Variants in PCDHGA1 observed in about 807,000 individuals in gnomAD.
PCDHGA1 encodes protocadherin gamma subfamily A, 1.
PCDHGA1 carries 32 observed loss-of-function variants against 58.0 expected under a neutral mutation model. The observed-to-expected ratio is 0.55, with a 90% confidence interval of 0.42 to 0.74. PCDHGA1 has a LOEUF of 0.74. PCDHGA1 is among the 30% of genes least tolerant of loss of function. PCDHGA1 has a pLI of 0.00. For synonymous variants in PCDHGA1, 498 were observed against 501.1 expected, an observed-to-expected ratio of 0.99 and a Z score of 0.08; for missense variants, 1,205 against 1,182.3, an observed-to-expected ratio of 1.02 and a Z score of -0.28.
chr5:141,393,664 T>A, intron 1 of PCDHGA1: 1 of 1,613,772 alleles, frequency 6.2e-7, no homozygotes. Context: ...TTCCGGAAAA[T>A]TAATGAAAAA....
At position 141,486,061 on chromosome 5, in the gene PCDHGA1, C is replaced by T. The variant is rs1280895997; in HGVS notation, c.2422-8746C>T. 2 of 1,614,166 alleles carry T rather than the reference C, an allele frequency of 1.2e-6. No individual in the cohort carries two copies. Among genetic ancestry groups the T allele is most frequent in the South Asian group, 1.1e-5 (1 of 91,078 alleles). On this transcript the variant is annotated intron_variant, in intron 1 of 3. Coordinates refer to ENST00000517417, the MANE Select transcript of PCDHGA1 (RefSeq NM_018912.3). The surrounding 1 kb of genome is among the most constrained non-coding windows in gnomAD (Gnocchi z 5.0). ...GTGTAAGAAACCTCTTTAGCCTGCA[C>T]CCCACTACTGGAAAGCTTACTCTTT...
At chr5:141,415,257 T>G in intron 1 of PCDHGA1, 1 of 1,614,170 alleles carries the variant, frequency 6.2e-7, no homozygotes, top group Non-Finnish European at 8.5e-7. Flanking sequence ...CAGACCTCAC[T>G]CTGTACCTGG....
At chr5:141,347,082 TCCTCCTTCCTTCCTTC>T in intron 1 of PCDHGA1, among the ~76,000 whole-genome samples, 6 of 149,660 alleles carry the variant, frequency 4.0e-5, no homozygotes, top group Admixed American at 3.3e-4. Flanking sequence ...TCTCTCTCTT[TCCTCCTTCCTTCCTTC>T]CTCTCTCTCT....
intron 1 of PCDHGA1, among the ~76,000 whole-genome samples, chr5:141,433,940 T>C (rs1315031506): frequency 6.6e-6 from 1 of 152,192 alleles, no homozygotes; most frequent in African/African-American, 2.4e-5. Flanking sequence ...TATAATTCCA[T>C]TGTTTCTTCT....
rs767396941 is a variant in PCDHGA1 at position 141,357,397 on chromosome 5, G to T, written c.2421+24292G>T. The stretch of plus-strand genomic sequence containing the variant: ...GCTTCACGCTGAAGGCAGCAGGTTG[G>T]CAGGTGTGCCTGCCTCGCACTTTGT... On this transcript the variant is annotated intron_variant, in intron 1 of 3. Transcript: ENST00000517417. 8.7e-6 allele frequency: 14 copies of T among 1,614,242 alleles called. No homozygotes were observed. In the Admixed American group the frequency reaches 2.3e-4, roughly 27 times the overall value.
intron 1 of PCDHGA1, chr5:141,338,750 C>T (rs1430526318): frequency 3.4e-6 from 4 of 1,187,306 alleles, no homozygotes; most frequent in Admixed American, 7.6e-5. Flanking sequence ...TAAAAGGCAG[C>T]GAGACATCCA....
At chr5:141,337,750 G>T (rs951873057) in intron 1 of PCDHGA1, among the ~76,000 whole-genome samples, 9 of 152,186 alleles carry the variant, frequency 5.9e-5, no homozygotes, top group Non-Finnish European at 1.3e-4. Flanking sequence ...TCACAGAATT[G>T]TATGCTTGAC....
chr5:141,394,060 C>G, intron 1 of PCDHGA1: 8 of 1,613,780 alleles, frequency 5.0e-6, no homozygotes, highest in Non-Finnish European at 5.9e-6. Context: ...GAAAATGTCT[C>G]TATCTACAAT....
chr5:141,385,198 C>A, intron 1 of PCDHGA1: 1 of 1,614,224 alleles, frequency 6.2e-7, no homozygotes, highest in Non-Finnish European at 8.5e-7. Flanking sequence ...TCGGAAGAGT[C>A]ACCTGATCTT....
In PCDHGA1 at chr5:141,476,182, G is replaced by A. The variant is rs369561139; in HGVS notation, c.2422-18625G>A. On this transcript the variant is annotated intron_variant, in intron 1 of 3. Coordinates refer to ENST00000517417, the MANE Select transcript of PCDHGA1 (RefSeq NM_018912.3). This position sits in a 1 kb window ranked among gnomAD's most constrained non-coding sequence, Gnocchi z 7.6. ...GGAGGGTAGTGGGAGTTTTGCTTCT[G>A]CTTGGTGCCTTGAACAAGGCTTCCA... 5 of 1,613,554 alleles carry A rather than the reference G, an allele frequency of 3.1e-6. No homozygotes were observed. Among genetic ancestry groups the A allele is most frequent in the Admixed American group, 1.7e-5 (1 of 59,996 alleles).
chr5:141,510,709 CAGTGAGTAAGGAA>C (rs1452833908), intron 3 of PCDHGA1, among the ~76,000 whole-genome samples: 7 of 152,168 alleles, frequency 4.6e-5, no homozygotes, highest in Admixed American at 4.6e-4. Flanking sequence ...CCCAGGATCA[CAGTGAGTAAGGAA>C]AGGAGCTAGG....
rs1316659737 is a variant in PCDHGA1 at position 141,490,964 on chromosome 5, C to T, written c.2422-3843C>T. ...CCACGGCCAGACTGGGAACACTCAG[C>T]CCCCCAGCGTCTCCCTCGCTCTGCT... On this transcript the variant is annotated intron_variant, in intron 1 of 3. Transcript: ENST00000517417. The surrounding 1 kb of genome is among the most constrained non-coding windows in gnomAD (Gnocchi z 5.4). 2.5e-6 allele frequency: 4 copies of T among 1,613,608 alleles called. No homozygotes were observed. Among genetic ancestry groups the T allele is most frequent in the East Asian group, 2.2e-5 (1 of 44,882 alleles).
At chr5:141,359,801 T>A (rs1761323974) in intron 1 of PCDHGA1, among the ~76,000 whole-genome samples, 1 of 152,190 alleles carries the variant, frequency 6.6e-6, no homozygotes, top group Non-Finnish European at 1.5e-5. Context: ...TCTTTTGAAT[T>A]TGGAACTATA....
chr5:141,419,769 C>A (rs773303779), intron 1 of PCDHGA1: 14 of 1,614,006 alleles, frequency 8.7e-6, no homozygotes, highest in East Asian at 4.5e-5. Context: ...GACAAGGACT[C>A]GGTCCGCCAG....
At chr5:141,421,889 C>T (rs1280668349) in intron 1 of PCDHGA1, 5 of 1,613,574 alleles carry the variant, frequency 3.1e-6, no homozygotes, top group African/African-American at 1.3e-5. Flanking sequence ...GGAGGCGATC[C>T]CATCCGAAAG....
intron 2 of PCDHGA1, among the ~76,000 whole-genome samples, chr5:141,496,733 C>A (rs1221912777): frequency 6.6e-6 from 1 of 152,138 alleles, no homozygotes; most frequent in Non-Finnish European, 1.5e-5. Context: ...TGTATTCATT[C>A]GTTCATTTAT....
Position 141,431,697 on chromosome 5 carries a change from G to A in PCDHGA1, c.2422-63110G>A. The A allele has an allele frequency of 6.2e-7, 1 of 1,614,206 alleles. No homozygotes were observed. Among genetic ancestry groups the A allele is most frequent in the South Asian group, 1.1e-5 (1 of 91,084 alleles). On this transcript the variant is annotated intron_variant, in intron 1 of 3. Transcript: ENST00000517417. This position sits in a 1 kb window ranked among gnomAD's most constrained non-coding sequence, Gnocchi z 4.8. Reference sequence around the variant, plus strand: ...GGGGAGTTGGACCACGAGGAGTCAGGATTCTACCAGATGGAAGTGCAAGCA... The same window carrying A: ...GGGGAGTTGGACCACGAGGAGTCAGAATTCTACCAGATGGAAGTGCAAGCA...
At chr5:141,341,139 G>T (rs1757026596) in intron 1 of PCDHGA1, 2 of 1,614,194 alleles carry the variant, frequency 1.2e-6, no homozygotes, top group Non-Finnish European at 1.7e-6. Flanking sequence ...CACAAGTCAC[G>T]CCTGCTGCAG....
chr5:141,469,213 G>A (rs866405809), intron 1 of PCDHGA1, among the ~76,000 whole-genome samples: 21 of 150,912 alleles, frequency 1.4e-4, no homozygotes, highest in African/African-American at 5.1e-4. Flanking sequence ...TGAAGTTGAG[G>A]CTTCAGTGAG....
Sources: gnomAD v4.1 joint callset for allele counts (sites outside exome capture counted in the v4.1 genomes callset) on GRCh38, gnomAD v4.1.1 for gene constraint, Gnocchi (gnomAD v3.1) non-coding constraint, MANE v1.5 for transcripts, NCBI Gene and HGNC (gene_info 2026-07-23, HGNC 2026-07-21) for gene names.